The following GGH variants were observed in gnomAD, a reference collection of about 807,000 sequenced individuals.
GGH encodes gamma-glutamyl hydrolase.
Under a neutral mutation model 39.2 loss-of-function variants are expected in GGH, and 18 were observed. The ratio of observed to expected loss-of-function variants is 0.46; its 90% CI spans 0.32 to 0.68. The LOEUF (loss-of-function observed/expected upper bound fraction) is 0.68. Among genes scored for constraint, GGH ranks in the 30% least tolerant of loss-of-function variants. GGH has a pLI of 0.04. For missense variants in GGH, 367 were observed against 384.1 expected (o/e 0.96, Z 0.37); for synonymous variants, 147 against 138.8 (o/e 1.06, Z -0.42).
chr8:63,022,475 A>G (rs1273414065), intron 7 of GGH, among the ~76,000 whole-genome samples: 1 of 149,144 alleles, frequency 6.7e-6, no homozygotes, highest in African/African-American at 2.5e-5. Flanking sequence ...TCTATCTTCT[A>G]TTCTAGTTCA....
chr8:63,019,362 C>T (rs1804545125), intron 7 of GGH, among the ~76,000 whole-genome samples: 1 of 152,176 alleles, frequency 6.6e-6, no homozygotes, highest in Admixed American at 6.5e-5. Flanking sequence ...GCAAACTTTC[C>T]ATTCGATCGG....
intron 3 of GGH, chr8:63,028,339 G>A (rs545929584): frequency 6.6e-6 from 1 of 151,654 alleles, no homozygotes; most frequent in East Asian, 1.9e-4. Flanking sequence ...TTTATGTTTT[G>A]CATCCCAGGT....
At chr8:63,036,844 T>C (rs548910327) in intron 1 of GGH, among the ~76,000 whole-genome samples, 9 of 152,320 alleles carry the variant, frequency 5.9e-5, no homozygotes, top group East Asian at 3.9e-4. Context: ...CAGGTAGCGA[T>C]AGATCAGCAA....
At position 63,035,652 on chromosome 8, in the gene GGH, A is replaced by G; in HGVS notation, c.224+4T>C. The G allele has an allele frequency of 6.3e-7, 1 of 1,597,512 alleles. No homozygotes were observed. The highest frequency in any genetic ancestry group is 8.5e-7 in the Non-Finnish European group (1 of 1,175,274). On this transcript the variant is annotated splice_donor_region_variant and intron_variant, in intron 2 of 8. Coordinates refer to ENST00000260118, the MANE Select transcript of GGH (RefSeq NM_003878.3). ...AAAAAAAAAAAAAAAACACTGAATC[A>G]TACCTTACTGGTACAACTCTCGCAC...
chr8:63,019,820 A>G (rs930981619), intron 7 of GGH, among the ~76,000 whole-genome samples: 17 of 152,216 alleles, frequency 1.1e-4, no homozygotes, highest in African/African-American at 3.9e-4. Flanking sequence ...GGAAGCCATT[A>G]GGACCTTATG....
At chr8:63,032,311 T>C (rs779861303) in intron 2 of GGH, among the ~76,000 whole-genome samples, 2 of 152,114 alleles carry the variant, frequency 1.3e-5, no homozygotes, top group African/African-American at 2.4e-5. Flanking sequence ...GCTGGGATAA[T>C]AGACGTGAGC....
At chr8:63,023,713 C>T (rs951196322) in intron 7 of GGH, 194 bp downstream of exon 7, 2 of 366,890 alleles carry the variant, frequency 5.5e-6, no homozygotes, top group Non-Finnish European at 4.9e-6. Flanking sequence ...TTCTTCACCA[C>T]CCCATTCAGG....
At chr8:63,021,715 C>A (rs1258815086) in intron 7 of GGH, among the ~76,000 whole-genome samples, 1 of 139,070 alleles carries the variant, frequency 7.2e-6, no homozygotes, top group Non-Finnish European at 1.5e-5. Context: ...CGCTCTGTCA[C>A]CCAGGCTGGA....
chr8:63,030,227 A>G lies in GGH; in HGVS notation c.225-10T>C, dbSNP rs1237911567. 1 of 1,252,974 alleles carries G rather than the reference A, an allele frequency of 8.0e-7. No individual in the cohort carries two copies. Among genetic ancestry groups the G allele is most frequent in the South Asian group, 1.2e-5 (1 of 82,722 alleles). The allele number at this position is 1,252,974 out of a possible 1,614,324, so 77.6% of individuals were successfully genotyped here. A position where few individuals can be genotyped will look rare whatever the true frequency, so the allele number is the denominator to read the frequency against. On this transcript the variant is annotated splice_polypyrimidine_tract_variant and intron_variant, in intron 2 of 8. Coordinates refer to ENST00000260118, the MANE Select transcript of GGH (RefSeq NM_003878.3). ...CTCTGTAAGATCCAGCCTGAAAACA[A>G]TAAAAGTTATTGTTACATTTGTGAA...
At position 63,038,711 on chromosome 8, in the gene GGH, T is replaced by C; in HGVS notation, c.58A>G (p.Ser20Gly). ...VLGLLLCGAA[S>G]LELSRPHGDT... ...CCGTGGGGTCTAGACAGCTCGAGGC[T>C]CGCCGCCCCGCAGAGTAGCAGGCCC... Residue 20 changes from serine to glycine, a missense_variant, in exon 1 of 9, where the codon AGC becomes GGC. By Grantham distance (56) the Ser-to-Gly change is moderately conservative (BLOSUM62 0). Transcript: ENST00000260118. The C allele has an allele frequency of 6.3e-7, 1 of 1,583,684 alleles. No individual in the cohort carries two copies.
chr8:63,026,050 G>A (rs1278746455), intron 5 of GGH, 108 bp downstream of exon 5: 1 of 884,952 alleles, frequency 1.1e-6, no homozygotes, highest in Non-Finnish European at 1.7e-6. Context: ...TTTCCTTCAG[G>A]GAAAAGGCTA....
At chr8:63,038,454 T>C (rs939647159) in intron 1 of GGH, among the ~76,000 whole-genome samples, 1 of 152,214 alleles carries the variant, frequency 6.6e-6, no homozygotes, top group African/African-American at 2.4e-5. Flanking sequence ...CATATGAGTC[T>C]AAAGGAATGA....
At chr8:63,027,460 A>C (rs1804715469) in intron 3 of GGH, among the ~76,000 whole-genome samples, 195 bp from the exon 4 acceptor site, 1 of 152,370 alleles carries the variant, frequency 6.6e-6, no homozygotes. Flanking sequence ...TACAGCAGTT[A>C]ACAACACTTT....
chr8:63,035,746 T>G lies in GGH; in HGVS notation c.134A>C (p.Asn45Thr). ...TCTTCCATAGTTTTTCATGACTTTA[T>G]TACGGCATTTTTGCATTAATATTCC... is the stretch of plus-strand genomic sequence containing the variant. ...IIGILMQKCRNKVMKNYGRYY... is the reference protein window; with the variant it reads ...IIGILMQKCRTKVMKNYGRYY... Residue 45 changes from asparagine to threonine, a missense_variant, in exon 2 of 9, where the codon AAT becomes ACT. Asn to Thr is a moderately conservative substitution (Grantham distance 65, BLOSUM62 0). Coordinates refer to ENST00000260118, the MANE Select transcript of GGH (RefSeq NM_003878.3). 1.2e-6 allele frequency: 2 copies of G among 1,613,198 alleles called. No homozygotes were observed. Among genetic ancestry groups the G allele is most frequent in the Non-Finnish European group, 1.7e-6 (2 of 1,179,818 alleles).
In GGH at chr8:63,023,985, T is replaced by C; in HGVS notation, c.619A>G (p.Asn207Asp). The C allele has an allele frequency of 1.3e-6, 2 of 1,585,100 alleles. No individual in the cohort carries two copies. Among genetic ancestry groups the C allele is most frequent in the Non-Finnish European group, 1.7e-6 (2 of 1,160,836 alleles). The change falls in exon 7 of 9, where the codon AAT becomes GAT. Residue 207 changes from asparagine (N) to aspartate (D), a missense_variant. Physicochemically the swap from Asn to Asp is conservative, Grantham distance 23 (BLOSUM62 1). Transcript: ENST00000260118. The stretch of plus-strand genomic sequence containing the variant: ...TTGAAAAACTTCTTTAACTTTTCAT[T>C]CATTGTAAAATTCTAGAATACGAAA... ...WSLSVKNFTMNEKLKKFFNVL... is the reference protein window; with the variant it reads ...WSLSVKNFTMDEKLKKFFNVL...
At chr8:63,030,433 C>G (rs935118438) in intron 2 of GGH, among the ~76,000 whole-genome samples, 4 of 152,144 alleles carry the variant, frequency 2.6e-5, no homozygotes, top group African/African-American at 9.7e-5. Flanking sequence ...ATATGTTTTT[C>G]TGTGATCTAA....
chr8:63,031,876 A>C (rs567796191), intron 2 of GGH, among the ~76,000 whole-genome samples: 52 of 152,366 alleles, frequency 3.4e-4, no homozygotes, highest in Middle Eastern at 3.4e-3. Context: ...GAAATGGCTT[A>C]AGCCTGGTGA....
intron 4 of GGH, 29 bp downstream of exon 4, chr8:63,027,152 T>C: frequency 9.8e-7 from 1 of 1,017,636 alleles, no homozygotes; most frequent in African/African-American, 1.6e-5. Flanking sequence ...GAAACCCATC[T>C]GGAATAATAA....
At position 63,023,983 on chromosome 8, in the gene GGH, A is replaced by G. The variant is rs898181331; in HGVS notation, c.621T>C (p.Asn207=). The change falls in exon 7 of 9, where the codon AAT becomes AAC. Residue 207 remains asparagine, a synonymous_variant. Transcript: ENST00000260118. ...CATTGAAAAACTTCTTTAACTTTTC[A>G]TTCATTGTAAAATTCTAGAATACGA... The part of the protein sequence containing the change: ...WSLSVKNFTM[N]EKLKKFFNVL... 4 of 1,584,976 alleles carry G rather than the reference A, an allele frequency of 2.5e-6. No homozygotes were observed. The African/African-American group carries it at 5.4e-5, about 21-fold the overall frequency.
Sources: gnomAD v4.1 joint callset for allele counts (sites outside exome capture counted in the v4.1 genomes callset) on GRCh38, gnomAD v4.1.1 for gene constraint, MANE v1.5 for transcripts, NCBI Gene and HGNC (gene_info 2026-07-23, HGNC 2026-07-21) for gene names.